CTNNA2: variants seen among roughly 807,000 people sequenced by gnomAD.
CTNNA2 encodes the protein catenin alpha 2.
Under a neutral mutation model 101.0 loss-of-function variants are expected in CTNNA2, and 42 were observed. That is an observed-to-expected ratio of 0.42 (90% CI 0.32 to 0.54). The LOEUF (loss-of-function observed/expected upper bound fraction) is 0.54, where lower values mean the gene tolerates loss of function less well. Among genes scored for constraint, CTNNA2 ranks in the 20% least tolerant of loss-of-function variants. CTNNA2 has a pLI of 0.14. For missense variants in CTNNA2, 871 were observed against 1,223.1 expected (o/e 0.71, Z 4.29); for synonymous variants, 450 against 456.4 (o/e 0.99, Z 0.18).
At chr2:80,123,689 T>C (rs1701970558) in intron 7 of CTNNA2, among the ~76,000 whole-genome samples, 1 of 152,178 alleles carries the variant, frequency 6.6e-6, no homozygotes, top group Non-Finnish European at 1.5e-5. Flanking sequence ...AATGTACTTA[T>C]AATAGGTCTT....
At chr2:80,643,407 C>T (rs759489316) in intron 18 of CTNNA2, among the ~76,000 whole-genome samples, 3 of 152,114 alleles carry the variant, frequency 2.0e-5, no homozygotes, top group South Asian at 2.1e-4. Flanking sequence ...ATGAAATAAA[C>T]GAAACTCAGG....
At chr2:80,045,892 G>A (rs1009829411) in intron 7 of CTNNA2, among the ~76,000 whole-genome samples, 8 of 152,216 alleles carry the variant, frequency 5.3e-5, no homozygotes, top group Middle Eastern at 3.4e-3. Context: ...AATCAACCTC[G>A]ACAGTCACTA....
chr2:79,449,816 T>A (rs1269486537), intron 4 of CTNNA2, among the ~76,000 whole-genome samples: 1 of 152,032 alleles, frequency 6.6e-6, no homozygotes, highest in Non-Finnish European at 1.5e-5. Context: ...CCTAATCAAC[T>A]AAACTGAGGT....
intron 7 of CTNNA2, among the ~76,000 whole-genome samples, chr2:80,062,850 C>T (rs547704156): frequency 2.2e-4 from 33 of 152,032 alleles, no homozygotes; most frequent in East Asian, 2.1e-3. Flanking sequence ...GGACTACAGG[C>T]GCCCGCCACC....
intron 7 of CTNNA2, among the ~76,000 whole-genome samples, chr2:80,373,309 G>A (rs192516197): frequency 2.2e-4 from 33 of 152,248 alleles, no homozygotes; most frequent in Non-Finnish European, 4.1e-4. Context: ...CATGTAGGTT[G>A]TTTTCATGGT....
chr2:79,312,071 T>TAA (rs397969522), intron 2 of CTNNA2, among the ~76,000 whole-genome samples: 5 of 146,234 alleles, frequency 3.4e-5, no homozygotes, highest in Admixed American at 1.4e-4. Flanking sequence ...CATGGCTGTT[T>TAA]AAAAAAAAAA....
chr2:80,566,443 C>T (rs1001790809), intron 12 of CTNNA2, among the ~76,000 whole-genome samples: 2 of 152,084 alleles, frequency 1.3e-5, no homozygotes, highest in Admixed American at 6.6e-5. Context: ...TACATATTTG[C>T]AAATACATGA....
chr2:79,662,832 C>CT (rs1682130830), intron 2 of CTNNA2, among the ~76,000 whole-genome samples: 2 of 152,144 alleles, frequency 1.3e-5, no homozygotes, highest in South Asian at 4.1e-4. Context: ...AACTCTAAGT[C>CT]TTTCTTGTAA....
At chr2:80,155,826 G>A (rs1364555692) in intron 7 of CTNNA2, among the ~76,000 whole-genome samples, 1 of 152,140 alleles carries the variant, frequency 6.6e-6, no homozygotes, top group Non-Finnish European at 1.5e-5. Flanking sequence ...TGGTTTGCCA[G>A]ACATTGTATT....
At chr2:79,786,159 A>G (rs74997993) in intron 3 of CTNNA2, among the ~76,000 whole-genome samples, 2,304 of 144,524 alleles carry the variant, frequency 0.016, 56 homozygotes, top group African/African-American at 0.056. Flanking sequence ...TTTAATACAT[A>G]TGGAAAACAG....
chr2:80,392,694 C>T (rs1375949877), intron 7 of CTNNA2, among the ~76,000 whole-genome samples: 2 of 152,068 alleles, frequency 1.3e-5, no homozygotes, highest in African/African-American at 4.8e-5. Flanking sequence ...CAGAGATTAG[C>T]AATACTGTAT....
At chr2:79,737,330 C>T (rs576908782) in intron 2 of CTNNA2, among the ~76,000 whole-genome samples, 14 of 145,942 alleles carry the variant, frequency 9.6e-5, no homozygotes, top group Non-Finnish European at 1.6e-4. Context: ...GCCTGGGCAA[C>T]GGAGTGAGAC....
In CTNNA2 at chr2:80,158,298, A is replaced by G. The variant is rs138944976; in HGVS notation, c.1057-234913A>G. Among the ~76,000 whole-genome samples the G allele has an allele frequency of 1.9e-3, 286 of 152,332 alleles. 2 individuals carry two copies. Among genetic ancestry groups the G allele is most frequent in the African/African-American group, 6.6e-3 (274 of 41,592 alleles). The stretch of plus-strand genomic sequence containing the variant: ...CTTAAAGAGTTTTGAAATACCATGT[A>G]CTGTCTCATACATTTTAACAGAAAA... On this transcript the variant is annotated intron_variant, in intron 7 of 18. Transcript: ENST00000402739.
At chr2:80,016,067 C>G (rs537890192) in intron 7 of CTNNA2, among the ~76,000 whole-genome samples, 1 of 152,146 alleles carries the variant, frequency 6.6e-6, no homozygotes, top group South Asian at 2.1e-4. Flanking sequence ...TTTCCTCCAC[C>G]CTTTTAAATA....
At chr2:79,387,175 G>A (rs1306152151) in intron 4 of CTNNA2, among the ~76,000 whole-genome samples, 1 of 152,134 alleles carries the variant, frequency 6.6e-6, no homozygotes, top group East Asian at 1.9e-4. Context: ...TCCTGGACTA[G>A]TGCTCCAAGG....
At chr2:80,632,583 A>G (rs1175034172) in intron 18 of CTNNA2, among the ~76,000 whole-genome samples, 1 of 152,214 alleles carries the variant, frequency 6.6e-6, no homozygotes, top group East Asian at 1.9e-4. Context: ...TAACTAGGCT[A>G]CCCCACGAGT....
chr2:79,553,058 C>T (rs1328401606), intron 1 of CTNNA2, among the ~76,000 whole-genome samples: 1 of 152,108 alleles, frequency 6.6e-6, no homozygotes, highest in Non-Finnish European at 1.5e-5. Flanking sequence ...GCAAATTTTC[C>T]AAACTTTTAC....
At chr2:79,871,150 G>T (rs796685196) in intron 5 of CTNNA2, among the ~76,000 whole-genome samples, 11 of 152,164 alleles carry the variant, frequency 7.2e-5, no homozygotes, top group African/African-American at 2.7e-4. Flanking sequence ...TGGGCCATTC[G>T]TAGTTTCTCT....
chr2:79,213,901 C>G (rs1674211115), intron 2 of CTNNA2, among the ~76,000 whole-genome samples: 1 of 152,130 alleles, frequency 6.6e-6, no homozygotes, highest in African/African-American at 2.4e-5. Context: ...TTTAGGGCCT[C>G]TAAAAGTATT....
Sources: allele counts gnomAD v4.1 joint callset (sites outside exome capture counted in the v4.1 genomes callset), GRCh38; gene constraint gnomAD v4.1.1; transcripts MANE v1.5; gene names NCBI Gene and HGNC (gene_info 2026-07-23, HGNC 2026-07-21).